Variants in USP3 observed in about 807,000 individuals in gnomAD.
USP3 encodes ubiquitin specific peptidase 3, also known as ubiquitin carboxyl-terminal hydrolase 3.
In USP3, 20 loss-of-function variants were observed where a neutral mutation model predicts 72.3. The observed-to-expected ratio is 0.28, with a 90% CI of 0.19 to 0.40. The LOEUF (loss-of-function observed/expected upper bound fraction) is 0.40, where lower values mean the gene tolerates loss of function less well. USP3 is among the 10% of genes least tolerant of loss of function. The pLI is 1.00. For synonymous variants in USP3, 222 were observed against 225.3 expected, an observed-to-expected ratio of 0.99 and a Z score of 0.13; for missense variants, 479 against 633.9, an observed-to-expected ratio of 0.76 and a Z score of 2.62.
At chr15:63,560,158 G>C (rs970393649) in intron 7 of USP3, among the ~76,000 whole-genome samples, 188 bp downstream of exon 7, 2 of 152,240 alleles carry the variant, frequency 1.3e-5, no homozygotes, top group South Asian at 4.1e-4. Flanking sequence ...GGTGGCTCAC[G>C]CCTGTTATCC....
chr15:63,585,233 T>C (rs964060566), intron 11 of USP3, among the ~76,000 whole-genome samples: 3 of 152,266 alleles, frequency 2.0e-5, no homozygotes, highest in African/African-American at 7.2e-5. Context: ...TCCATGTGAG[T>C]TTCAGGATGG....
intron 11 of USP3, among the ~76,000 whole-genome samples, chr15:63,585,223 T>A (rs1316556413): frequency 6.6e-6 from 1 of 152,222 alleles, no homozygotes; most frequent in African/African-American, 2.4e-5. Context: ...TCCTTGAGAG[T>A]CCATGTGAGT....
At chr15:63,519,057 G>A (rs557054328) in intron 1 of USP3, among the ~76,000 whole-genome samples, 6 of 152,278 alleles carry the variant, frequency 3.9e-5, no homozygotes, top group South Asian at 2.1e-4. Flanking sequence ...GAGCCACCGC[G>A]CCTGGCCGGG....
intron 11 of USP3, among the ~76,000 whole-genome samples, chr15:63,575,430 G>A (rs1027912614): frequency 6.6e-6 from 1 of 152,068 alleles, no homozygotes; most frequent in Admixed American, 6.6e-5. Context: ...GTAATGTGAG[G>A]CATTTGGCTT....
At chr15:63,559,460 A>G (rs978405614) in intron 6 of USP3, among the ~76,000 whole-genome samples, 5 of 152,228 alleles carry the variant, frequency 3.3e-5, no homozygotes, top group African/African-American at 1.2e-4. Flanking sequence ...AATTCTCCTT[A>G]GGATTCTGTA....
intron 9 of USP3, among the ~76,000 whole-genome samples, chr15:63,572,996 T>C (rs2066804364): frequency 6.6e-6 from 1 of 152,142 alleles, no homozygotes; most frequent in South Asian, 2.1e-4. Flanking sequence ...AGAATGTGCT[T>C]GGAATGGAGC....
chr15:63,566,047 G>A (rs1353016796), intron 8 of USP3, among the ~76,000 whole-genome samples: 1 of 152,004 alleles, frequency 6.6e-6, no homozygotes, highest in African/African-American at 2.4e-5. Context: ...CTAGGATCCC[G>A]GTTAAAGCTA....
chr15:63,521,606 G>A (rs533707711), intron 1 of USP3, among the ~76,000 whole-genome samples: 3 of 152,276 alleles, frequency 2.0e-5, no homozygotes, highest in South Asian at 4.1e-4. Flanking sequence ...AGTAGTAGCC[G>A]ATCATAGGCC....
chr15:63,530,622 T>G (rs1346374310), intron 1 of USP3: 1 of 433,294 alleles, frequency 2.3e-6, no homozygotes, highest in African/African-American at 2.1e-5. Context: ...CCCAAAGTTC[T>G]TAATATTTAC....
chr15:63,511,280 A>AAAAAAAG (rs1485364690), intron 1 of USP3, among the ~76,000 whole-genome samples: 3 of 150,336 alleles, frequency 2.0e-5, no homozygotes, highest in Non-Finnish European at 4.4e-5. Context: ...AAAAAAAAAA[A>AAAAAAAG]AAGAGTCTTT....
Position 63,544,615 on chromosome 15 carries a change from G to C in USP3, c.284+7459G>C. On this transcript the variant is annotated intron_variant, in intron 3 of 14. Coordinates refer to ENST00000380324, the MANE Select transcript of USP3 (RefSeq NM_006537.4). The surrounding 1 kb of genome is among the most constrained non-coding windows in gnomAD (Gnocchi z 4.2). ...GACAAGAAAACGATTGAGCCATGCT[G>C]TGTGTTTTCATTTTTGGAGAATGGG... 1 of 690,284 alleles carries C rather than the reference G, an allele frequency of 1.4e-6. No individual in the cohort carries two copies. Among genetic ancestry groups the C allele is most frequent in the South Asian group, 1.5e-5 (1 of 65,440 alleles). The allele number at this position is 690,284 out of a possible 1,614,324, so 42.8% of individuals were successfully genotyped here.
chr15:63,512,362 T>C (rs1028908177), intron 1 of USP3, among the ~76,000 whole-genome samples: 2 of 136,646 alleles, frequency 1.5e-5, no homozygotes, highest in African/African-American at 6.9e-5. Context: ...CCTCTTCTTC[T>C]TCTTTCTTCT....
At chr15:63,514,541 C>A (rs1392030236) in intron 1 of USP3, among the ~76,000 whole-genome samples, 1 of 152,008 alleles carries the variant, frequency 6.6e-6, no homozygotes, top group Non-Finnish European at 1.5e-5. Context: ...CCAGTAAGTA[C>A]AAGTGTGGTA....
At chr15:63,518,315 G>C (rs1184304717) in intron 1 of USP3, among the ~76,000 whole-genome samples, 1 of 152,204 alleles carries the variant, frequency 6.6e-6, no homozygotes, top group Non-Finnish European at 1.5e-5. Context: ...CCAGGCTTTG[G>C]ATAGGTATAT....
intron 4 of USP3, chr15:63,556,333 T>C (rs1016169705): frequency 5.0e-6 from 1 of 201,680 alleles, no homozygotes; most frequent in Non-Finnish European, 9.9e-6. Context: ...GGTTTTCCTT[T>C]TCTTGTGAGG....
At position 63,557,268 on chromosome 15, in the gene USP3, G is replaced by GTT. The variant is rs534404085; in HGVS notation, c.450+531_450+532dup. 2.8e-4 allele frequency among the ~76,000 whole-genome samples: 40 copies of GTT among 142,486 alleles called. 1 individual carries two copies. The highest frequency in any genetic ancestry group is 8.5e-4 in the African/African-American group (33 of 39,048). 93.5% of individuals were successfully genotyped at this position (142,486 alleles called of 152,430 possible). A position where few individuals can be genotyped will look rare whatever the true frequency, so the allele number is the denominator to read the frequency against. ...GTACTTTTATTTTGTTTTTGTTTTT[G>GTT]TTTTTTTTTTTTGAGATGGAGTCTC... On this transcript the variant is annotated intron_variant, in intron 5 of 14. Transcript: ENST00000380324.
At chr15:63,547,054 C>A (rs183039842) in intron 3 of USP3, among the ~76,000 whole-genome samples, 30 of 152,206 alleles carry the variant, frequency 2.0e-4, no homozygotes, top group Non-Finnish European at 3.5e-4. Context: ...TGACCTCTGA[C>A]CACAGAGGAA....
chr15:63,558,233 G>A, intron 6 of USP3, 45 bp downstream of exon 6: 1 of 1,605,016 alleles, frequency 6.2e-7, no homozygotes, highest in Non-Finnish European at 8.5e-7. Flanking sequence ...TAAAGGTTAA[G>A]AGCACGGGCT....
chr15:63,565,346 C>CT (rs2066672356), intron 8 of USP3, among the ~76,000 whole-genome samples: 1 of 152,150 alleles, frequency 6.6e-6, no homozygotes, highest in South Asian at 2.1e-4. Context: ...GGAAAATTTT[C>CT]TTGAAGTTTT....
Sources: gnomAD v4.1 joint callset for allele counts (sites outside exome capture counted in the v4.1 genomes callset) on GRCh38, gnomAD v4.1.1 for gene constraint, Gnocchi (gnomAD v3.1) non-coding constraint, MANE v1.5 for transcripts, NCBI Gene and HGNC (gene_info 2026-07-23, HGNC 2026-07-21) for gene names.